GRM7: variants seen among roughly 807,000 people sequenced by gnomAD.
GRM7 encodes the protein metabotropic glutamate receptor 7.
In GRM7, 35 loss-of-function variants were observed where a neutral mutation model predicts 84.5. The observed-to-expected ratio is 0.41, with a 90% CI of 0.32 to 0.55. The LOEUF (loss-of-function observed/expected upper bound fraction) is 0.55, where lower values mean the gene tolerates loss of function less well. Ranked by LOEUF, GRM7 falls within the 20% of genes least tolerant of loss-of-function variation. The probability of loss-of-function intolerance (pLI) is 0.19; values close to 1 mark genes in which losing one functional copy is unlikely to be tolerated. For missense variants in GRM7, 1,003 were observed against 1,194.6 expected (o/e 0.84, Z 2.36); for synonymous variants, 487 against 455.1 (o/e 1.07, Z -0.89).
At chr3:7,167,706 A>C (rs1694844603) in intron 2 of GRM7, among the ~76,000 whole-genome samples, 1 of 152,106 alleles carries the variant, frequency 6.6e-6, no homozygotes, top group African/African-American at 2.4e-5. Context: ...ACGGGGGCTC[A>C]CGCCTGTAAT....
chr3:7,650,285 A>G (rs185782076), intron 8 of GRM7, among the ~76,000 whole-genome samples: 236 of 152,330 alleles, frequency 1.5e-3, no homozygotes, highest in African/African-American at 5.5e-3. Context: ...TATAGCCTTG[A>G]ATGAGGATGT....
At chr3:7,724,431 T>G (rs966734348) in intron 9 of GRM7, among the ~76,000 whole-genome samples, 19 of 152,168 alleles carry the variant, frequency 1.2e-4, no homozygotes, top group African/African-American at 4.6e-4. Context: ...CTTTTCTATT[T>G]CCCACATTCA....
chr3:6,887,435 G>A (rs191739446), intron 1 of GRM7, among the ~76,000 whole-genome samples: 172 of 150,868 alleles, frequency 1.1e-3, no homozygotes, highest in African/African-American at 3.9e-3. Context: ...CTGTGTCCAT[G>A]TGTTCTCATT....
intron 1 of GRM7, among the ~76,000 whole-genome samples, chr3:6,956,355 C>T (rs1307950730): frequency 6.6e-6 from 1 of 152,184 alleles, no homozygotes; most frequent in African/African-American, 2.4e-5. Flanking sequence ...TGTTCACCCT[C>T]CCTCTGCTCT....
intron 4 of GRM7, among the ~76,000 whole-genome samples, chr3:7,331,951 A>C (rs1201122127): frequency 6.6e-6 from 1 of 152,180 alleles, no homozygotes; most frequent in East Asian, 1.9e-4. Context: ...AAGGATGTTG[A>C]AACTTAAAGG....
At chr3:7,053,641 T>C (rs80346852) in intron 1 of GRM7, among the ~76,000 whole-genome samples, 1 of 151,680 alleles carries the variant, frequency 6.6e-6, no homozygotes, top group Admixed American at 6.6e-5. Flanking sequence ...ATCCTTGTTT[T>C]GGTTGATTGC....
At position 7,578,704 on chromosome 3, in the gene GRM7, T is replaced by A; in HGVS notation, c.1798T>A (p.Leu600Met). The change falls in exon 8 of 10, where the codon TTG (leucine) becomes ATG (methionine). Residue 600 changes from leucine (L) to methionine (M), a missense_variant. Coordinates refer to ENST00000357716, the MANE Select transcript of GRM7 (RefSeq NM_000844.4). ...WAVIPVFLAM[L>M]GIIATIFVMA... ...TGTGATTCCTGTCTTCCTGGCAATG[T>A]TGGGGATCATTGCCACCATCTTTGT... The A allele has an allele frequency of 6.2e-7, 1 of 1,613,960 alleles. No homozygotes were observed. Among genetic ancestry groups the A allele is most frequent in the Non-Finnish European group, 8.5e-7 (1 of 1,179,840 alleles).
chr3:7,223,633 T>C (rs1696884418), intron 2 of GRM7, among the ~76,000 whole-genome samples: 1 of 152,206 alleles, frequency 6.6e-6, no homozygotes, highest in Admixed American at 6.5e-5. Context: ...CATCTGTACA[T>C]GTGAGAGTCT....
chr3:6,867,858 A>G (rs1343668822), intron 1 of GRM7, among the ~76,000 whole-genome samples: 1 of 152,062 alleles, frequency 6.6e-6, no homozygotes, highest in Non-Finnish European at 1.5e-5. Context: ...TGTTGAGTCA[A>G]CCTTCTTCAC....
chr3:7,299,545 G>T (rs900529168), intron 3 of GRM7, among the ~76,000 whole-genome samples: 1 of 152,022 alleles, frequency 6.6e-6, no homozygotes. Context: ...CCATCTTGTC[G>T]CATAGCTAAC....
chr3:7,103,750 C>T (rs1049264875), intron 1 of GRM7, among the ~76,000 whole-genome samples: 1 of 10,538 alleles, frequency 9.5e-5, no homozygotes, highest in Non-Finnish European at 2.0e-4. Flanking sequence ...CTCTCTCTCC[C>T]TTTCTTTCTT....
At chr3:7,696,668 T>C (rs960131662) in intron 9 of GRM7, among the ~76,000 whole-genome samples, 1 of 152,180 alleles carries the variant, frequency 6.6e-6, no homozygotes. Context: ...TTCTAAAAAG[T>C]CAAATTGACG....
rs150305886 is a variant in GRM7, at chr3:7,132,906, A to G, written c.520-13546A>G. ...AGCATACCATGTAGTTTACTTGACT[A>G]TTCAATAAACCATAACACTCCATTT... On this transcript the variant is annotated intron_variant, in intron 1 of 9. Transcript: ENST00000357716. Among the ~76,000 whole-genome samples the G allele has an allele frequency of 2.3e-3, 344 of 152,334 alleles. 2 individuals carry two copies. The highest frequency in any genetic ancestry group is 7.8e-3 in the African/African-American group (326 of 41,574).
chr3:7,531,274 A>G (rs1701025705), intron 7 of GRM7, among the ~76,000 whole-genome samples: 1 of 152,072 alleles, frequency 6.6e-6, no homozygotes, highest in South Asian at 2.1e-4. Flanking sequence ...ATTATATCTG[A>G]GGCCTTTTTT....
At chr3:7,202,050 A>G (rs1696085749) in intron 2 of GRM7, among the ~76,000 whole-genome samples, 1 of 151,650 alleles carries the variant, frequency 6.6e-6, no homozygotes, top group Non-Finnish European at 1.5e-5. Context: ...TTATCCTTCT[A>G]TTAGGATCTG....
intron 4 of GRM7, among the ~76,000 whole-genome samples, chr3:7,377,353 T>A (rs1411327757): frequency 6.6e-6 from 1 of 152,206 alleles, no homozygotes; most frequent in African/African-American, 2.4e-5. Flanking sequence ...ACTCTGTAAG[T>A]GTGGGCACAC....
intron 1 of GRM7, among the ~76,000 whole-genome samples, chr3:7,002,201 T>A (rs1016830879): frequency 2.6e-5 from 4 of 152,182 alleles, no homozygotes; most frequent in Non-Finnish European, 5.9e-5. Context: ...TCTAAGGGTA[T>A]AGTGGTTAGC....
At chr3:6,925,153 A>G (rs564191371) in intron 1 of GRM7, among the ~76,000 whole-genome samples, 13 of 152,254 alleles carry the variant, frequency 8.5e-5, no homozygotes, top group African/African-American at 3.1e-4. Flanking sequence ...TCGTATAATC[A>G]TGTGTATTTC....
chr3:7,154,876 T>C (rs1430003264), intron 2 of GRM7, among the ~76,000 whole-genome samples: 2 of 152,142 alleles, frequency 1.3e-5, no homozygotes, highest in Non-Finnish European at 2.9e-5. Flanking sequence ...CTCTTCCTAG[T>C]CTTCACAAAA....
Sources: allele counts gnomAD v4.1 joint callset (sites outside exome capture counted in the v4.1 genomes callset), GRCh38; gene constraint gnomAD v4.1.1; transcripts MANE v1.5; gene names NCBI Gene and HGNC (gene_info 2026-07-23, HGNC 2026-07-21).